PSG3: variants seen among roughly 807,000 people sequenced by gnomAD.
The protein encoded by PSG3 is pregnancy specific beta-1-glycoprotein 3.
A neutral mutation model predicts 47.5 loss-of-function variants in PSG3; 61 were observed. The ratio of observed to expected loss-of-function variants is 1.28; its 90% CI spans 1.05 to 1.59. The LOEUF (loss-of-function observed/expected upper bound fraction) is 1.59. PSG3 is among the 40% of genes most tolerant of loss of function. PSG3 has a pLI of 0.00. For missense variants in PSG3, 756 were observed against 524.0 expected (o/e 1.44, Z -4.32); for synonymous variants, 263 against 198.4 (o/e 1.33, Z -2.74).
chr19:42,726,160 A>G (rs985049802), intron 5 of PSG3, among the ~76,000 whole-genome samples: 2 of 152,214 alleles, frequency 1.3e-5, no homozygotes, highest in Non-Finnish European at 2.9e-5. Context: ...CGTAAAGGCA[A>G]TATGTGAAAA....
chr19:42,728,392 G>A (rs1330526228), intron 5 of PSG3, among the ~76,000 whole-genome samples: 3 of 152,082 alleles, frequency 2.0e-5, no homozygotes, highest in Admixed American at 6.5e-5. Flanking sequence ...ACTGTCCTCC[G>A]TGCTGTGTCC....
Position 42,729,206 on chromosome 19 carries a change from T to G in PSG3, c.1160A>C (p.Lys387Thr). The G allele has an allele frequency of 1.2e-6, 2 of 1,614,006 alleles. No homozygotes were observed. The highest frequency in any genetic ancestry group is 1.7e-6 in the Non-Finnish European group (2 of 1,179,866). Reference sequence around the variant, plus strand: ...AGAGCAAGCATAGAGCCCGCTATGCTTTGTAGTAATCTGGGGGATAAAGAG... The same window carrying G: ...AGAGCAAGCATAGAGCCCGCTATGCGTTGTAGTAATCTGGGGGATAAAGAG... ...QKLFIPQITT[K>T]HSGLYACSVR... Residue 387 changes from lysine (K) to threonine (T), a missense_variant, in exon 5 of 7, where the codon AAG becomes ACG. Lys to Thr is a moderately conservative substitution (Grantham distance 78). Transcript: ENST00000327495.
intron 3 of PSG3, among the ~76,000 whole-genome samples, chr19:42,731,349 G>T (rs1392323071): frequency 6.6e-6 from 1 of 152,196 alleles, no homozygotes; most frequent in Non-Finnish European, 1.5e-5. Flanking sequence ...GCTTCAGTGA[G>T]CATTTCTTTT....
chr19:42,739,221 C>T (rs979556167), intron 1 of PSG3, 132 bp from the exon 2 acceptor site: 1 of 1,346,758 alleles, frequency 7.4e-7, no homozygotes, highest in East Asian at 2.3e-5. Flanking sequence ...TACAAACACA[C>T]ACACACACAC....
Position 42,730,015 on chromosome 19 carries a change from G to A in PSG3, c.751C>T (p.Pro251Ser). ...KPYITINNLNPRENKDVLAFT... is the reference protein window; with the variant it reads ...KPYITINNLNSRENKDVLAFT... ...GCTAAGACATCCTTATTCTCCCTGG[G>A]GTTTAAGTTGTTGATGGTGATGTAG... The change falls in exon 4 of 7, where the codon CCC becomes TCC. Residue 251 changes from proline to serine, a missense_variant. Coordinates refer to ENST00000327495, the MANE Select transcript of PSG3 (RefSeq NM_021016.4). 6.2e-7 allele frequency: 1 copy of A among 1,612,480 alleles called. No individual in the cohort carries two copies. The highest frequency in any genetic ancestry group is 8.5e-7 in the Non-Finnish European group (1 of 1,179,842).
rs368437923 is a variant in PSG3, at chr19:42,739,001, A to C, written c.153T>G (p.Val51=). The part of the protein sequence containing the change: ...EPTKVSKGKD[V]LLLVHNLPQN... The stretch of plus-strand genomic sequence containing the variant: ...GGGGCAAATTGTGGACAAGTAGAAG[A>C]ACGTCCTTCCCCTTGGAAACTTTGG... The change falls in exon 2 of 7, where the codon GTT becomes GTG. Residue 51 remains valine (V), a synonymous_variant. Coordinates refer to ENST00000327495, the MANE Select transcript of PSG3 (RefSeq NM_021016.4). 1.4e-5 allele frequency: 22 copies of C among 1,613,898 alleles called. No individual in the cohort carries two copies. The African/African-American group carries it at 2.8e-4, about 21-fold the overall frequency.
chr19:42,723,273 G>A (rs1473771593), intron 6 of PSG3, among the ~76,000 whole-genome samples: 1 of 152,158 alleles, frequency 6.6e-6, no homozygotes, highest in East Asian at 1.9e-4. Flanking sequence ...GAAGGGTGTG[G>A]TTAAGTCTGC....
At chr19:42,724,053 A>C (rs956188975) in intron 5 of PSG3, 28 bp from the exon 6 acceptor site, 3 of 1,595,656 alleles carry the variant, frequency 1.9e-6, no homozygotes, top group African/African-American at 1.3e-5. Context: ...GAAAAGAAGG[A>C]ATGAAGATGA....
At chr19:42,738,307 C>T (rs545362162) in intron 2 of PSG3, among the ~76,000 whole-genome samples, 3 of 152,194 alleles carry the variant, frequency 2.0e-5, no homozygotes, top group Non-Finnish European at 4.4e-5. Flanking sequence ...TCAGATTTAT[C>T]TGGAGCAAGG....
chr19:42,735,253 A>C (rs1969544201), intron 2 of PSG3, among the ~76,000 whole-genome samples: 1 of 152,152 alleles, frequency 6.6e-6, no homozygotes, highest in Non-Finnish European at 1.5e-5. Flanking sequence ...CTCTTGTTGA[A>C]CTTTCCTGTT....
chr19:42,734,291 C>T (rs981798898), intron 2 of PSG3: 2 of 152,156 alleles, frequency 1.3e-5, no homozygotes, highest in African/African-American at 4.8e-5. Flanking sequence ...ATTTACAGTA[C>T]ATGTACTGGT....
intron 4 of PSG3, 39 bp from the exon 5 acceptor site, chr19:42,729,416 G>C (rs374324013): frequency 3.2e-6 from 5 of 1,584,064 alleles, no homozygotes; most frequent in African/African-American, 1.3e-5. Context: ...GATGTCATCC[G>C]AGGGAAGGGG....
Position 42,723,326 on chromosome 19 carries a change from G to A in PSG3, c.*40+616C>T, listed in dbSNP as rs571052378. Among the ~76,000 whole-genome samples the A allele has an allele frequency of 1.4e-4, 21 of 152,334 alleles. No homozygotes were observed. In the South Asian group the frequency reaches 3.9e-3, roughly 29 times the overall value. The stretch of plus-strand genomic sequence containing the variant: ...GGATTTCACTCTGTTTTCAGACATA[G>A]CATTGGAACTAAGAATTTTATATCT... On this transcript the variant is annotated intron_variant, in intron 6 of 6. Coordinates refer to ENST00000327495, the MANE Select transcript of PSG3 (RefSeq NM_021016.4).
intron 5 of PSG3, among the ~76,000 whole-genome samples, chr19:42,727,357 A>T (rs993406356): frequency 6.6e-5 from 10 of 152,082 alleles, no homozygotes; most frequent in Non-Finnish European, 5.9e-5. Context: ...TGCAAATTAT[A>T]TGTGTGATAA....
rs1969653177 is a variant in PSG3, at chr19:42,740,392, G to A, written c.-8C>T. ...GGCTGAGAGGGGCCCCATGGTCTCT[G>A]CTGCCTGCGTGTTCTCCTCTGTGGA... On this transcript the variant is annotated 5_prime_UTR_variant, in exon 1 of 7. Transcript: ENST00000327495. The A allele has an allele frequency of 7.4e-6, 12 of 1,613,924 alleles. No individual in the cohort carries two copies. In the East Asian group the frequency reaches 2.2e-4, roughly 30 times the overall value.
At chr19:42,739,239 G>A (rs375975599) in intron 1 of PSG3, 150 bp from the exon 2 acceptor site, 20 of 1,289,782 alleles carry the variant, frequency 1.6e-5, no homozygotes, top group East Asian at 2.3e-5. Flanking sequence ...CACAAAAGGG[G>A]CATGTGTATA....
At chr19:42,738,608 C>A in intron 2 of PSG3, 116 bp downstream of exon 2, 1 of 1,591,806 alleles carries the variant, frequency 6.3e-7, no homozygotes, top group Non-Finnish European at 8.6e-7. Context: ...TGCCCAAACC[C>A]CAGCATGGGA....
At position 42,729,842 on chromosome 19, in the gene PSG3, A is replaced by G. The variant is rs553088138; in HGVS notation, c.924T>C (p.Tyr308=). The G allele has an allele frequency of 1.2e-6, 2 of 1,613,514 alleles. No homozygotes were observed. Among genetic ancestry groups the G allele is most frequent in the East Asian group, 2.2e-5 (1 of 44,874 alleles). The change falls in exon 4 of 7, where the codon TAT becomes TAC. Residue 308 remains tyrosine (Y), a synonymous_variant. Transcript: ENST00000327495. ...CATATCGGTCCTGTATTTCACATTG[A>G]TAGGGTCCTGTTTCATTTCTCGTGA... ...PSVTRNETGP[Y]QCEIQDRYGG...
intron 2 of PSG3, among the ~76,000 whole-genome samples, chr19:42,737,962 C>T (rs531528240): frequency 1.3e-5 from 2 of 152,352 alleles, no homozygotes; most frequent in South Asian, 4.1e-4. Context: ...TAATTTGCTT[C>T]CATGAGAAAG....
Sources: allele counts gnomAD v4.1 joint callset (sites outside exome capture counted in the v4.1 genomes callset), GRCh38; gene constraint gnomAD v4.1.1; transcripts MANE v1.5; gene names NCBI Gene and HGNC (gene_info 2026-07-23, HGNC 2026-07-21).